SUPT3H: variants seen among roughly 807,000 people sequenced by gnomAD.
The protein encoded by SUPT3H is SPT3 homolog, SAGA and STAGA complex component.
SUPT3H carries 44 observed loss-of-function variants against 44.3 expected under a neutral mutation model. The ratio of observed to expected loss-of-function variants is 0.99; its 90% CI spans 0.78 to 1.28. SUPT3H has a LOEUF of 1.28. Ranked by LOEUF, SUPT3H falls within the 50% of genes most tolerant of loss-of-function variation. The pLI, the probability that SUPT3H is intolerant of heterozygous loss-of-function variation, is 0.00. For missense variants in SUPT3H, 380 were observed against 387.1 expected, an observed-to-expected ratio of 0.98 and a Z score of 0.15; for synonymous variants, 124 against 125.6, an observed-to-expected ratio of 0.99 and a Z score of 0.09.
chr6:45,226,358 G>A (rs969341251), intron 2 of SUPT3H, among the ~76,000 whole-genome samples: 1 of 151,908 alleles, frequency 6.6e-6, no homozygotes, highest in Non-Finnish European at 1.5e-5. Context: ...TGTGTATAAC[G>A]TTTACTCAAA....
chr6:45,136,111 T>C (rs868057082), intron 2 of SUPT3H, among the ~76,000 whole-genome samples: 1 of 152,286 alleles, frequency 6.6e-6, no homozygotes, highest in Middle Eastern at 3.4e-3. Context: ...GTACCCTCCA[T>C]GATCAAACAC....
intron 2 of SUPT3H, among the ~76,000 whole-genome samples, chr6:45,230,742 G>A (rs1039730670): frequency 6.9e-6 from 1 of 144,012 alleles, no homozygotes; most frequent in Non-Finnish European, 1.5e-5. Flanking sequence ...GCACGATCTC[G>A]GCTCACTGCA....
chr6:45,219,966 G>A (rs1765740351), intron 2 of SUPT3H, among the ~76,000 whole-genome samples: 1 of 147,436 alleles, frequency 6.8e-6, no homozygotes, highest in Non-Finnish European at 1.5e-5. Flanking sequence ...TTGAACCTGG[G>A]AGGCAGAGGT....
intron 1 of SUPT3H, among the ~76,000 whole-genome samples, chr6:45,367,776 T>C (rs1328371711): frequency 2.0e-5 from 3 of 152,186 alleles, no homozygotes; most frequent in Admixed American, 6.6e-5. Context: ...TCTGCTCCTT[T>C]TTCATTTTCA....
intron 2 of SUPT3H, among the ~76,000 whole-genome samples, chr6:45,280,991 A>T (rs1777942828): frequency 6.6e-6 from 1 of 152,264 alleles, no homozygotes; most frequent in South Asian, 2.1e-4. Context: ...ACTTCGATGT[A>T]ACCAGATGTA....
intron 6 of SUPT3H, 131 bp downstream of exon 6, chr6:45,003,522 G>T: frequency 9.8e-7 from 1 of 1,024,974 alleles, no homozygotes; most frequent in Non-Finnish European, 1.4e-6. Context: ...TCTGCACATC[G>T]CTGCCATCAG....
intron 2 of SUPT3H, among the ~76,000 whole-genome samples, chr6:45,257,687 G>A (rs1031103169): frequency 6.6e-6 from 1 of 152,084 alleles, no homozygotes; most frequent in African/African-American, 2.4e-5. Context: ...GCATCCCATA[G>A]GTGGAAGGTG....
chr6:45,038,647 A>C (rs1788048465), intron 3 of SUPT3H, among the ~76,000 whole-genome samples: 1 of 152,152 alleles, frequency 6.6e-6, no homozygotes, highest in African/African-American at 2.4e-5. Flanking sequence ...ATACTGTTTG[A>C]AGTATTAGGA....
intron 10 of SUPT3H, among the ~76,000 whole-genome samples, chr6:44,892,192 A>G (rs1222943525): frequency 1.3e-5 from 2 of 152,110 alleles, no homozygotes; most frequent in Non-Finnish European, 2.9e-5. Flanking sequence ...CTAACCCCCA[A>G]TGTGACTATA....
rs952256619 is a variant in SUPT3H, at chr6:44,828,671, C to T, written c.*1145G>A. Reference sequence around the variant, plus strand: ...TACCCTTAAATCTAGGAAGCAGTATCAAGAGAGGCTTGCTCTCTTGAGCAG... The same window carrying T: ...TACCCTTAAATCTAGGAAGCAGTATTAAGAGAGGCTTGCTCTCTTGAGCAG... On this transcript the variant is annotated 3_prime_UTR_variant, in exon 11 of 11. Coordinates refer to ENST00000371459, the MANE Select transcript of SUPT3H (RefSeq NM_003599.4). 1.3e-5 allele frequency: 2 copies of T among 152,058 alleles called. No homozygotes were observed. The highest frequency in any genetic ancestry group is 4.8e-5 in the African/African-American group (2 of 41,408). 9.4% of individuals were successfully genotyped at this position (152,058 alleles called of 1,614,324 possible). A position where few individuals can be genotyped will look rare whatever the true frequency, so the allele number is the denominator to read the frequency against.
chr6:44,889,861 T>C lies in SUPT3H; in HGVS notation c.912+42792A>G, dbSNP rs1361826832. ...TGGGAGAAAATTTTCGCAACCTACT[T>C]ATCTGACAAAGGGCTAATATCCAGA... On this transcript the variant is annotated intron_variant, in intron 10 of 10. Transcript: ENST00000371459. Among the ~76,000 whole-genome samples, 731 of 145,318 alleles carry C rather than the reference T, an allele frequency of 5.0e-3. 2 individuals are homozygous for C. The highest frequency in any genetic ancestry group is 7.2e-3 in the Non-Finnish European group (471 of 65,314).
intron 2 of SUPT3H, among the ~76,000 whole-genome samples, chr6:45,173,103 C>T (rs1811100041): frequency 6.6e-6 from 1 of 152,046 alleles, no homozygotes; most frequent in Admixed American, 6.5e-5. Context: ...TGATCACACA[C>T]TTAAGAACTC....
chr6:45,214,903 G>A (rs1764785817), intron 2 of SUPT3H, among the ~76,000 whole-genome samples: 1 of 152,022 alleles, frequency 6.6e-6, no homozygotes, highest in Non-Finnish European at 1.5e-5. Context: ...GGCACTCCAT[G>A]CCCCTTCCTA....
At chr6:45,159,337 G>A (rs767106918) in intron 2 of SUPT3H, 3 of 152,164 alleles carry the variant, frequency 2.0e-5, no homozygotes, top group Admixed American at 6.6e-5. Context: ...TTATCATGAA[G>A]TCACTATTCG....
At chr6:44,947,055 C>A (rs1051925849) in intron 9 of SUPT3H, among the ~76,000 whole-genome samples, 3 of 152,120 alleles carry the variant, frequency 2.0e-5, no homozygotes, top group Admixed American at 1.3e-4. Flanking sequence ...AAGATTATGA[C>A]ATGCAAATGA....
At chr6:45,140,664 C>T (rs1805030108) in intron 2 of SUPT3H, among the ~76,000 whole-genome samples, 1 of 152,188 alleles carries the variant, frequency 6.6e-6, no homozygotes, top group Non-Finnish European at 1.5e-5. Flanking sequence ...TCCCCTGCCA[C>T]CTCCAGCACA....
At chr6:45,324,642 G>A (rs1040443445) in intron 2 of SUPT3H, among the ~76,000 whole-genome samples, 1 of 151,596 alleles carries the variant, frequency 6.6e-6, no homozygotes, top group Non-Finnish European at 1.5e-5. Context: ...GGAGAGGGAG[G>A]GAGGGAAGGC....
chr6:44,963,487 C>G (rs893193182), intron 6 of SUPT3H, among the ~76,000 whole-genome samples: 1 of 151,724 alleles, frequency 6.6e-6, no homozygotes, highest in Non-Finnish European at 1.5e-5. Context: ...GAGACTCCGT[C>G]TCAAACAAAC....
At chr6:45,133,731 G>C (rs573395397) in intron 2 of SUPT3H, among the ~76,000 whole-genome samples, 1 of 152,260 alleles carries the variant, frequency 6.6e-6, no homozygotes, top group East Asian at 1.9e-4. Flanking sequence ...GTTCAATCAG[G>C]AGAAAGCAGG....
Sources: allele counts gnomAD v4.1 joint callset (sites outside exome capture counted in the v4.1 genomes callset), GRCh38; gene constraint gnomAD v4.1.1; transcripts MANE v1.5; gene names NCBI Gene and HGNC (gene_info 2026-07-23, HGNC 2026-07-21).